ZZEF1: variants seen among roughly 807,000 people sequenced by gnomAD.
ZZEF1 encodes zinc finger ZZ-type and EF-hand domain-containing protein 1.
A neutral mutation model predicts 342.8 loss-of-function variants in ZZEF1; 157 were observed. The ratio of observed to expected loss-of-function variants is 0.46; its 90% confidence interval spans 0.40 to 0.52. The LOEUF is 0.52. Ranked by LOEUF, ZZEF1 falls within the 20% of genes least tolerant of loss-of-function variation. The pLI, the probability that ZZEF1 is intolerant of heterozygous loss-of-function variation, is 0.00. For missense variants in ZZEF1, 3,480 were observed against 3,725.6 expected (o/e 0.93, Z 1.72); for synonymous variants, 1,505 against 1,429.1 (o/e 1.05, Z -1.20).
chr17:4,073,309 T>C (rs981232727), intron 24 of ZZEF1, among the ~76,000 whole-genome samples: 2 of 152,244 alleles, frequency 1.3e-5, no homozygotes, highest in African/African-American at 2.4e-5. Flanking sequence ...AATTTTTCTA[T>C]ATTTTACTTC....
At position 4,019,744 on chromosome 17, in the gene ZZEF1, G is replaced by C; in HGVS notation, c.7430C>G (p.Pro2477Arg). 6.2e-7 allele frequency: 1 copy of C among 1,610,674 alleles called. No individual in the cohort carries two copies. ...GTATATGGCCCGGAGAATGTGCAGA[G>C]GGGCATTGAGGGCATCATGAGCCAT... is the stretch of plus-strand genomic sequence containing the variant. ...FLMAHDALNAPLHILRAIYEL... is the reference protein window; with the variant it reads ...FLMAHDALNARLHILRAIYEL... The change falls in exon 46 of 55, where the codon CCT becomes CGT. Residue 2477 changes from proline to arginine, a missense_variant. Transcript: ENST00000381638.
In ZZEF1 at chr17:4,044,308, C is replaced by T; in HGVS notation, c.6082G>A (p.Gly2028Ser). 1.2e-6 allele frequency: 2 copies of T among 1,614,108 alleles called. No individual in the cohort carries two copies. The highest frequency in any genetic ancestry group is 1.7e-5 in the Admixed American group (1 of 60,012). Reference protein sequence around the residue: ...DFKQRNKADKGVSLSKDPSCQ... With the variant: ...DFKQRNKADKSVSLSKDPSCQ... ...GAAGGATCCTTCGATAATGATACAC[C>T]TTTATCTGCCTTATTTCTCTGCTTG... Residue 2028 changes from glycine to serine, a missense_variant, in exon 38 of 55, where the codon GGT (glycine) becomes AGT (serine). Gly to Ser is a moderately conservative substitution (Grantham distance 56). This residue lies in a region of ZZEF1 where 1,269 missense variants were observed against 1,342.4 expected (regional missense o/e 0.95). Transcript: ENST00000381638.
intron 52 of ZZEF1, among the ~76,000 whole-genome samples, chr17:4,010,731 A>AAAAAAAG (rs1039577843): frequency 2.0e-5 from 3 of 150,730 alleles, no homozygotes; most frequent in African/African-American, 7.3e-5. Flanking sequence ...TCTCAAAAAA[A>AAAAAAAG]AAAAGAAAAA....
At chr17:4,011,438 T>C (rs921157675) in intron 52 of ZZEF1, among the ~76,000 whole-genome samples, 1 of 151,590 alleles carries the variant, frequency 6.6e-6, no homozygotes, top group Non-Finnish European at 1.5e-5. Flanking sequence ...ACCATTGTTA[T>C]GATTTTCAGG....
chr17:4,111,920 C>A (rs2123844), intron 5 of ZZEF1, among the ~76,000 whole-genome samples: 10,740 of 144,168 alleles, frequency 0.074, 482 homozygotes, highest in South Asian at 0.13. Flanking sequence ...GTCTACATTC[C>A]AGCTACTGAG....
At chr17:4,058,218 A>G in intron 31 of ZZEF1, 63 bp from the exon 32 acceptor site, 2 of 1,506,622 alleles carry the variant, frequency 1.3e-6, no homozygotes, top group Non-Finnish European at 1.8e-6. Context: ...CAACAGAAGC[A>G]ATTCAAGTAG....
At chr17:4,035,427 C>T (rs2145071773) in intron 39 of ZZEF1, among the ~76,000 whole-genome samples, 1 of 152,286 alleles carries the variant, frequency 6.6e-6, no homozygotes, top group Non-Finnish European at 1.5e-5. Flanking sequence ...CAGAAGGCAT[C>T]TAGGCAGGGG....
rs563718347 is a variant in ZZEF1 at position 4,022,636 on chromosome 17, G to A, written c.7212+73C>T. On this transcript the variant is annotated intron_variant, in intron 44 of 54. Coordinates refer to ENST00000381638, the MANE Select transcript of ZZEF1 (RefSeq NM_015113.4). ...CACAGGGCAGAAGCAGCTGGAACTC[G>A]GTGATGCTTCTAACTCCTAGGCCAG... The A allele has an allele frequency of 4.5e-5, 72 of 1,602,186 alleles. No homozygotes were observed. In the South Asian group the frequency reaches 6.0e-4, roughly 13 times the overall value.
intron 49 of ZZEF1, among the ~76,000 whole-genome samples, chr17:4,015,792 C>A (rs575190434): frequency 1.8e-4 from 27 of 152,346 alleles, no homozygotes; most frequent in African/African-American, 6.5e-4. Context: ...GACTACATGG[C>A]CTTAAGTCAA....
chr17:4,137,851 C>A (rs1325103393), intron 1 of ZZEF1, among the ~76,000 whole-genome samples: 4 of 152,216 alleles, frequency 2.6e-5, no homozygotes, highest in African/African-American at 9.6e-5. Context: ...ATTATGGAGA[C>A]ACTATCTGAA....
chr17:4,075,519 G>A (rs1175529344), intron 21 of ZZEF1, 90 bp from the exon 22 acceptor site: 3 of 1,467,464 alleles, frequency 2.0e-6, no homozygotes, highest in African/African-American at 2.8e-5. Flanking sequence ...CAGTGCTCCA[G>A]GCAGATGGCC....
chr17:4,079,656 C>A (rs1035097647), intron 18 of ZZEF1, among the ~76,000 whole-genome samples: 1 of 152,176 alleles, frequency 6.6e-6, no homozygotes, highest in Non-Finnish European at 1.5e-5. Flanking sequence ...TAAATTAATA[C>A]TAGATCTAAA....
chr17:4,098,684 A>G (rs143903987), intron 9 of ZZEF1, among the ~76,000 whole-genome samples: 1,792 of 152,292 alleles, frequency 0.012, 104 homozygotes, highest in Admixed American at 0.11. Flanking sequence ...GACTAAAACC[A>G]ATTTCATGCT....
chr17:4,111,238 T>TAC (rs911604047), intron 5 of ZZEF1, among the ~76,000 whole-genome samples: 3 of 151,874 alleles, frequency 2.0e-5, no homozygotes, highest in Non-Finnish European at 4.4e-5. Flanking sequence ...CACACACAAA[T>TAC]ACACACACAC....
intron 39 of ZZEF1, among the ~76,000 whole-genome samples, chr17:4,036,823 T>TCG (rs2056682313): frequency 1.4e-5 from 1 of 70,368 alleles, no homozygotes; most frequent in Non-Finnish European, 2.5e-5. Flanking sequence ...ACACACTCTC[T>TCG]CTCTCTCTCT....
In ZZEF1 at chr17:4,074,329, G is replaced by T; in HGVS notation, c.3506C>A (p.Pro1169His). 6.2e-7 allele frequency: 1 copy of T among 1,614,142 alleles called. No individual in the cohort carries two copies. Among genetic ancestry groups the T allele is most frequent in the Non-Finnish European group, 8.5e-7 (1 of 1,180,042 alleles). Residue 1169 changes from proline to histidine, a missense_variant, in exon 24 of 55, where the codon CCT (proline) becomes CAT (histidine). Coordinates refer to ENST00000381638, the MANE Select transcript of ZZEF1 (RefSeq NM_015113.4). Reference protein sequence around the residue: ...WPKKVTFKAGPRLQFLFHSDS... With the variant: ...WPKKVTFKAGHRLQFLFHSDS... ...AGAGTGAAAGAGGAACTGCAACCGAGGACCGGCCTTGAAGGTCACTTTCTA... is the reference window on the plus strand; with the variant it reads ...AGAGTGAAAGAGGAACTGCAACCGATGACCGGCCTTGAAGGTCACTTTCTA...
intron 1 of ZZEF1, among the ~76,000 whole-genome samples, chr17:4,137,487 C>A (rs1008755420): frequency 6.6e-6 from 1 of 152,186 alleles, no homozygotes; most frequent in Non-Finnish European, 1.5e-5. Context: ...TGGCAGGCGC[C>A]TGTAGTCCCA....
rs1423281842 is a variant in ZZEF1 at position 4,017,338 on chromosome 17, G to C, written c.8001+33C>G. 3 of 1,551,936 alleles carry C rather than the reference G, an allele frequency of 1.9e-6. No homozygotes were observed. Among genetic ancestry groups the C allele is most frequent in the Non-Finnish European group, 2.6e-6 (3 of 1,147,504 alleles). On this transcript the variant is annotated intron_variant, in intron 48 of 54. Transcript: ENST00000381638. The surrounding 1 kb of genome is among the most constrained non-coding windows in gnomAD (Gnocchi z 5.1). ...GCCTGTGGGGCAGAGGAAGAACCTG[G>C]TGGGTGAGCACAAGCTCAGTCTGCA...
At chr17:4,020,036 ACAG>A (rs2056226833) in intron 45 of ZZEF1, 1 of 365,676 alleles carries the variant, frequency 2.7e-6, no homozygotes, top group Non-Finnish European at 4.9e-6. Context: ...TACAATGCTG[ACAG>A]TAGATACTTA....
Sources: gnomAD v4.1 joint callset for allele counts (sites outside exome capture counted in the v4.1 genomes callset) on GRCh38, gnomAD v4.1.1 for gene constraint, gnomAD v4.1.1 regional missense constraint, Gnocchi (gnomAD v3.1) non-coding constraint, MANE v1.5 for transcripts, NCBI Gene and HGNC (gene_info 2026-07-23, HGNC 2026-07-21) for gene names.